Variants in TJP2 observed in about 807,000 individuals in gnomAD.
The protein encoded by TJP2 is Friedreich ataxia region gene X104 (tight junction protein ZO-2).
TJP2 carries 91 observed loss-of-function variants against 133.1 expected under a neutral mutation model. That is an observed-to-expected ratio of 0.68 (90% CI 0.58 to 0.81). TJP2 has a LOEUF of 0.81. TJP2 is among the 40% of genes least tolerant of loss of function. The pLI, the probability that TJP2 is intolerant of heterozygous loss-of-function variation, is 0.00. For missense variants in TJP2, 1,541 were observed against 1,565.6 expected (o/e 0.98, Z 0.26); for synonymous variants, 592 against 583.4 (o/e 1.01, Z -0.21).
chr9:69,211,528 C>A (rs1045085737), intron 1 of TJP2, among the ~76,000 whole-genome samples: 1 of 152,122 alleles, frequency 6.6e-6, no homozygotes, highest in Non-Finnish European at 1.5e-5. Context: ...TCTGGGGAAT[C>A]TTTGAGGGCT....
At chr9:69,220,804 C>T in intron 4 of TJP2, 83 bp from the exon 5 acceptor site, 1 of 1,406,584 alleles carries the variant, frequency 7.1e-7, no homozygotes, top group Non-Finnish European at 1.0e-6. Flanking sequence ...TTCCTGAAAC[C>T]AGAACCAGGG....
rs548752227 is a variant in TJP2 at position 69,242,878 on chromosome 9, T to C, written c.2566+2731T>C. 2.0e-5 allele frequency among the ~76,000 whole-genome samples: 3 copies of C among 152,328 alleles called. No homozygotes were observed. In the South Asian group the frequency reaches 6.2e-4, roughly 32 times the overall value. ...TTAGTATTTTATAGTTTTTGTTTGT[T>C]TTTGAGACATAGTCTCCCTCTGTCG... On this transcript the variant is annotated intron_variant, in intron 17 of 22. Transcript: ENST00000377245.
chr9:69,168,052 C>A (rs1165163925), intron 2 of TJP2, among the ~76,000 whole-genome samples: 5 of 152,074 alleles, frequency 3.3e-5, no homozygotes, highest in African/African-American at 1.2e-4. Context: ...TACATAATAT[C>A]AAGATGTGGG....
intron 1 of TJP2, among the ~76,000 whole-genome samples, chr9:69,151,461 CAA>C (rs59697826): frequency 0.44 from 62,756 of 142,374 alleles, 13,472 homozygotes; most frequent in East Asian, 0.63. Flanking sequence ...GCCTGGGCAA[CAA>C]GAGCAAAACT....
chr9:69,186,539 G>A (rs1825872728), intron 1 of TJP2, among the ~76,000 whole-genome samples: 1 of 152,162 alleles, frequency 6.6e-6, no homozygotes, highest in Admixed American at 6.5e-5. Context: ...TAGTCGGCCA[G>A]GGCTAACAAT....
At chr9:69,185,380 G>A (rs964662798) in intron 1 of TJP2, among the ~76,000 whole-genome samples, 5 of 152,128 alleles carry the variant, frequency 3.3e-5, no homozygotes, top group East Asian at 1.9e-4. Context: ...TTTCTGTAAC[G>A]GATGTTCATT....
chr9:69,181,169 G>A (rs2132987907), intron 1 of TJP2, among the ~76,000 whole-genome samples: 1 of 151,764 alleles, frequency 6.6e-6, no homozygotes, highest in Non-Finnish European at 1.5e-5. Context: ...GTAATGGCAT[G>A]GAAGCAGCAT....
intron 10 of TJP2, 47 bp from the exon 11 acceptor site, chr9:69,230,035 T>TA: frequency 6.2e-7 from 1 of 1,610,892 alleles, no homozygotes; most frequent in Non-Finnish European, 8.5e-7. Flanking sequence ...TTCTCCCTTT[T>TA]AAAAAATATC....
rs575296056 is a variant in TJP2 at position 69,150,413 on chromosome 9, C to T, written c.-130-1238C>T. On this transcript the variant is annotated intron_variant, in intron 1 of 5. Coordinates refer to the TJP2 transcript ENST00000423935. Reference sequence around the variant, plus strand: ...GGTTCCAGTGATTCTCCTGCCTCAGCCTCCTGAGTAGCTGGGATTACAGCA... The same window carrying T: ...GGTTCCAGTGATTCTCCTGCCTCAGTCTCCTGAGTAGCTGGGATTACAGCA... Among the ~76,000 whole-genome samples the T allele has an allele frequency of 1.7e-4, 26 of 151,404 alleles. No individual in the cohort carries two copies. In the East Asian group the frequency reaches 4.8e-3, roughly 28 times the overall value.
intron 1 of TJP2, among the ~76,000 whole-genome samples, chr9:69,150,342 G>A (rs1823411103): frequency 6.9e-6 from 1 of 145,704 alleles, no homozygotes; most frequent in South Asian, 2.2e-4. Context: ...TCGCCAGGCT[G>A]GAATGCAGTG....
intron 5 of TJP2, among the ~76,000 whole-genome samples, chr9:69,222,754 C>A (rs1253786252): frequency 6.6e-6 from 1 of 152,092 alleles, no homozygotes; most frequent in Non-Finnish European, 1.5e-5. Flanking sequence ...TCAGGCCCAA[C>A]CCAGTCCCAC....
intron 1 of TJP2, among the ~76,000 whole-genome samples, chr9:69,175,885 T>C (rs1001094738): frequency 6.6e-6 from 1 of 152,164 alleles, no homozygotes; most frequent in Non-Finnish European, 1.5e-5. Flanking sequence ...AGGGGAACTT[T>C]CCCCTCTGAA....
chr9:69,134,414 G>T (rs573700712), intron 1 of TJP2, among the ~76,000 whole-genome samples: 9 of 152,326 alleles, frequency 5.9e-5, no homozygotes, highest in East Asian at 1.9e-4. Context: ...GAAATAGGAA[G>T]TTGGAATGTT....
chr9:69,212,689 T>G, intron 2 of TJP2, 88 bp downstream of exon 2: 2 of 1,171,710 alleles, frequency 1.7e-6, no homozygotes, highest in Non-Finnish European at 2.6e-6. Flanking sequence ...ACACACAGTT[T>G]TGGCTTTTTT....
At chr9:69,229,337 C>A (rs1489655895) in intron 10 of TJP2, 87 bp downstream of exon 10, 1 of 1,375,632 alleles carries the variant, frequency 7.3e-7, no homozygotes, top group Non-Finnish European at 1.0e-6. Flanking sequence ...TGGTTTTTGC[C>A]TAGATGGTGA....
At chr9:69,159,846 C>T (rs1373380467) in intron 2 of TJP2, among the ~76,000 whole-genome samples, 1 of 137,898 alleles carries the variant, frequency 7.3e-6, no homozygotes, top group Non-Finnish European at 1.5e-5. Flanking sequence ...GCTTGGGCAA[C>T]AGAGGGAGAC....
chr9:69,147,642 T>C (rs367705004), intron 1 of TJP2, among the ~76,000 whole-genome samples: 1 of 152,180 alleles, frequency 6.6e-6, no homozygotes, highest in African/African-American at 2.4e-5. Context: ...TTATTAATTT[T>C]TGTTCAGAGA....
At chr9:69,187,265 C>CT (rs909229863) in intron 1 of TJP2, among the ~76,000 whole-genome samples, 9 of 152,114 alleles carry the variant, frequency 5.9e-5, no homozygotes, top group Non-Finnish European at 1.3e-4. Context: ...TCTGAATTGT[C>CT]TTTGAGTGTG....
upstream of TJP2, among the ~76,000 whole-genome samples, chr9:69,172,850 G>C (rs1268410867): frequency 6.6e-6 from 1 of 152,154 alleles, no homozygotes; most frequent in East Asian, 1.9e-4. Flanking sequence ...TGGGATTACA[G>C]GCATGAGCCA....
Sources: gnomAD v4.1 joint callset for allele counts (sites outside exome capture counted in the v4.1 genomes callset) on GRCh38, gnomAD v4.1.1 for gene constraint, MANE v1.5 for transcripts, NCBI Gene and HGNC (gene_info 2026-07-23, HGNC 2026-07-21) for gene names.